The following CCDC91 variants were observed in gnomAD, a reference collection of about 807,000 sequenced individuals.
CCDC91 encodes coiled-coil domain containing 91.
Under a neutral mutation model 63.2 loss-of-function variants are expected in CCDC91, and 48 were observed. The observed-to-expected ratio is 0.76, with a 90% CI of 0.60 to 0.97. CCDC91 has a LOEUF of 0.97. Ranked by LOEUF, CCDC91 falls within the 50% of genes least tolerant of loss-of-function variation. The pLI is 0.00. For synonymous variants in CCDC91, 167 were observed against 165.8 expected (o/e 1.01, Z -0.06); for missense variants, 500 against 494.6 (o/e 1.01, Z -0.10).
intron 3 of CCDC91, among the ~76,000 whole-genome samples, chr12:28,287,969 G>A (rs983524680): frequency 2.0e-5 from 3 of 152,096 alleles, no homozygotes; most frequent in African/African-American, 7.2e-5. Flanking sequence ...TGGCAATTGT[G>A]AATGAGATTA....
intron 6 of CCDC91, among the ~76,000 whole-genome samples, chr12:28,339,506 G>T (rs1347530409): frequency 2.7e-5 from 4 of 150,718 alleles, no homozygotes; most frequent in Admixed American, 2.6e-4. Context: ...AGATTTGATC[G>T]ACTGTGGATC....
chr12:28,223,346 G>A (rs901316464), intron 1 of CCDC91, among the ~76,000 whole-genome samples: 1 of 152,088 alleles, frequency 6.6e-6, no homozygotes, highest in Non-Finnish European at 1.5e-5. Context: ...AACATATCTA[G>A]TACCTGTCTG....
Position 28,305,640 on chromosome 12 carries a change from T to C in CCDC91, c.110-9T>C. ...TCCTATCCTTTTTGTTGTTGTTGTT[T>C]TTCTTTAGTATCTGGAGTCCATCTT... On this transcript the variant is annotated splice_polypyrimidine_tract_variant and intron_variant, in intron 3 of 12. Coordinates refer to ENST00000536442, the MANE Select transcript of CCDC91 (RefSeq NM_018318.5). The C allele has an allele frequency of 1.9e-6, 3 of 1,608,232 alleles. No individual in the cohort carries two copies. The highest frequency in any genetic ancestry group is 2.5e-6 in the Non-Finnish European group (3 of 1,177,036).
chr12:28,195,796 C>G (rs1317739868), intron 1 of CCDC91, among the ~76,000 whole-genome samples: 1 of 152,150 alleles, frequency 6.6e-6, no homozygotes, highest in Non-Finnish European at 1.5e-5. Context: ...ATGTTGTTTT[C>G]TAATCCATTA....
chr12:28,533,566 AT>A (rs1941916409), intron 12 of CCDC91, among the ~76,000 whole-genome samples: 1 of 152,066 alleles, frequency 6.6e-6, no homozygotes, highest in Admixed American at 6.6e-5. Flanking sequence ...TGTTGTGACT[AT>A]TTGATAAAAA....
At chr12:28,259,658 T>C (rs1361906353) in intron 3 of CCDC91, among the ~76,000 whole-genome samples, 1 of 151,926 alleles carries the variant, frequency 6.6e-6, no homozygotes. Context: ...CTAAAGATGA[T>C]ATCAGGAACA....
intron 1 of CCDC91, among the ~76,000 whole-genome samples, chr12:28,253,058 G>A (rs1218131840): frequency 6.6e-6 from 1 of 152,188 alleles, no homozygotes; most frequent in Non-Finnish European, 1.5e-5. Flanking sequence ...TAACTCTATA[G>A]TCCCTTCTTT....
chr12:28,428,096 T>C (rs1948425113), intron 8 of CCDC91, among the ~76,000 whole-genome samples: 1 of 151,968 alleles, frequency 6.6e-6, no homozygotes, highest in Non-Finnish European at 1.5e-5. Flanking sequence ...ATCTGTCTTT[T>C]ATTGATATAA....
chr12:28,369,376 C>T (rs1944469809), intron 7 of CCDC91, among the ~76,000 whole-genome samples: 1 of 152,186 alleles, frequency 6.6e-6, no homozygotes, highest in Non-Finnish European at 1.5e-5. Flanking sequence ...TCCTTTGACT[C>T]CATGTCTCAC....
At position 28,372,289 on chromosome 12, in the gene CCDC91, T is replaced by C. The variant is rs1439792719; in HGVS notation, c.654+9774T>C. 3.9e-5 allele frequency among the ~76,000 whole-genome samples: 6 copies of C among 152,280 alleles called. No individual in the cohort carries two copies. In the East Asian group the frequency reaches 1.2e-3, roughly 29 times the overall value. On this transcript the variant is annotated intron_variant, in intron 7 of 12. Transcript: ENST00000536442. ...GGTAAATATGCTTCCAGATTTGTTCTTTTTGCTTAGGATTGCTTATTTGGG... is the reference window on the plus strand; with the variant it reads ...GGTAAATATGCTTCCAGATTTGTTCCTTTTGCTTAGGATTGCTTATTTGGG...
At chr12:28,252,853 TATATA>T (rs1946211923) in intron 1 of CCDC91, among the ~76,000 whole-genome samples, 5 of 152,184 alleles carry the variant, frequency 3.3e-5, no homozygotes, top group Admixed American at 3.3e-4. Context: ...AGCAAACACT[TATATA>T]ATGCTTAGAA....
chr12:28,253,882 T>G (rs1193389183), intron 1 of CCDC91, among the ~76,000 whole-genome samples: 1 of 152,236 alleles, frequency 6.6e-6, no homozygotes, highest in African/African-American at 2.4e-5. Flanking sequence ...TCTGAAAATC[T>G]TTCTTCTTAC....
chr12:28,529,045 T>C (rs977303568), intron 12 of CCDC91, among the ~76,000 whole-genome samples: 4 of 152,078 alleles, frequency 2.6e-5, no homozygotes. Context: ...AAAAGTATAT[T>C]TAAATAAGCA....
At chr12:28,485,369 T>A (rs552255286) in intron 12 of CCDC91, among the ~76,000 whole-genome samples, 1 of 152,196 alleles carries the variant, frequency 6.6e-6, no homozygotes, top group African/African-American at 2.4e-5. Context: ...TTTCACCATG[T>A]TGTCCAGGCT....
chr12:28,443,551 C>T (rs1259163473), intron 8 of CCDC91, among the ~76,000 whole-genome samples: 6 of 151,596 alleles, frequency 4.0e-5, no homozygotes, highest in Non-Finnish European at 8.8e-5. Flanking sequence ...TCTGTAAGGT[C>T]TAATGGAAGC....
At chr12:28,372,917 A>G (rs1944712378) in intron 7 of CCDC91, among the ~76,000 whole-genome samples, 1 of 152,140 alleles carries the variant, frequency 6.6e-6, no homozygotes, top group Admixed American at 6.5e-5. Flanking sequence ...CAGGTCTTAG[A>G]GGAAATAATT....
intron 1 of CCDC91, among the ~76,000 whole-genome samples, chr12:28,195,624 C>T (rs777298364): frequency 2.0e-5 from 3 of 152,128 alleles, no homozygotes; most frequent in Non-Finnish European, 4.4e-5. Flanking sequence ...CCTGAGTCCT[C>T]CAACTTTGTT....
chr12:28,389,048 T>A lies in CCDC91; in HGVS notation c.655-2256T>A, dbSNP rs1246705260. On this transcript the variant is annotated intron_variant, in intron 7 of 12. Coordinates refer to ENST00000536442, the MANE Select transcript of CCDC91 (RefSeq NM_018318.5). ...AGCTTTTGCATGGCAAAAGGAACAGTCAGCAGAGTAAACAGACGACCCACA... is the reference window on the plus strand; with the variant it reads ...AGCTTTTGCATGGCAAAAGGAACAGACAGCAGAGTAAACAGACGACCCACA... Among the ~76,000 whole-genome samples, 3 of 152,144 alleles carry A rather than the reference T, an allele frequency of 2.0e-5. No individual in the cohort carries two copies. The East Asian group carries it at 5.8e-4, about 29-fold the overall frequency.
chr12:28,351,676 CTT>C (rs539085210), intron 6 of CCDC91, among the ~76,000 whole-genome samples: 1 of 145,634 alleles, frequency 6.9e-6, no homozygotes, highest in African/African-American at 2.5e-5. Flanking sequence ...GTCATTCCTC[CTT>C]TTTTTTTTTT....
Sources: allele counts gnomAD v4.1 joint callset (sites outside exome capture counted in the v4.1 genomes callset), GRCh38; gene constraint gnomAD v4.1.1; transcripts MANE v1.5; gene names NCBI Gene and HGNC (gene_info 2026-07-23, HGNC 2026-07-21).